UMODL1: variants seen among roughly 807,000 people sequenced by gnomAD.
UMODL1 encodes uromodulin-like 1.
UMODL1 carries 128 observed loss-of-function variants against 136.3 expected under a neutral mutation model. The ratio of observed to expected loss-of-function variants is 0.94; its 90% CI spans 0.81 to 1.09. The LOEUF (loss-of-function observed/expected upper bound fraction) is 1.09, where lower values mean the gene tolerates loss of function less well. Among genes scored for constraint, UMODL1 ranks in the 50% least tolerant of loss-of-function variants. UMODL1 has a pLI of 0.00. For synonymous variants in UMODL1, 721 were observed against 720.0 expected, an observed-to-expected ratio of 1.00 and a Z score of -0.02; for missense variants, 1,766 against 1,725.6, an observed-to-expected ratio of 1.02 and a Z score of -0.41.
At chr21:42,111,357 G>A (rs1187607824) in intron 11 of UMODL1, 149 bp from the exon 12 acceptor site, 3 of 1,609,138 alleles carry the variant, frequency 1.9e-6, no homozygotes, top group African/African-American at 1.3e-5. Flanking sequence ...AGCCAGGAGA[G>A]CCCCAGCCAG....
intron 16 of UMODL1, 71 bp downstream of exon 16, chr21:42,121,295 C>T: frequency 1.3e-6 from 2 of 1,534,604 alleles, no homozygotes; most frequent in Non-Finnish European, 1.8e-6. Flanking sequence ...CATTCACGTG[C>T]AAAGGGCTTC....
chr21:42,067,208 G>A (rs1014457626), upstream of UMODL1, among the ~76,000 whole-genome samples: 1 of 151,944 alleles, frequency 6.6e-6, no homozygotes, highest in Non-Finnish European at 1.5e-5. Context: ...TCCTGACTTC[G>A]TGATCCACCC....
At chr21:42,065,177 T>C (rs1264008584) in intron 1 of UMODL1, among the ~76,000 whole-genome samples, 1 of 152,224 alleles carries the variant, frequency 6.6e-6, no homozygotes, top group African/African-American at 2.4e-5. Context: ...CTGGGGCAGC[T>C]GCCTGTTGCG....
At chr21:42,130,614 T>TGTGA (rs10671342) in intron 21 of UMODL1, among the ~76,000 whole-genome samples, 128,533 of 151,682 alleles carry the variant, frequency 0.85, 54,943 homozygotes, top group Middle Eastern at 0.97. Context: ...AGTGTGGCCA[T>TGTGA]GTAAGTTCTG....
At chr21:42,076,863 C>T (rs1426108412) in intron 2 of UMODL1, among the ~76,000 whole-genome samples, 1 of 152,192 alleles carries the variant, frequency 6.6e-6, no homozygotes, top group East Asian at 1.9e-4. Flanking sequence ...AGTTTGGAAG[C>T]TGCTTTCCTG....
rs117482469 is a variant in UMODL1 at position 42,115,114 on chromosome 21, G to A, written c.2363-759G>A. ...TGGGGAGATGGACTCTAAGCCCCCT[G>A]AGGGGAGAGCTGTGTCTTTCTCCTT... is the stretch of plus-strand genomic sequence containing the variant. On this transcript the variant is annotated intron_variant, in intron 13 of 22. Coordinates refer to ENST00000408910, the MANE Select transcript of UMODL1 (RefSeq NM_001004416.3). 4.3e-4 allele frequency among the ~76,000 whole-genome samples: 66 copies of A among 152,360 alleles called. No individual in the cohort carries two copies. The East Asian group carries it at 0.012, about 28-fold the overall frequency.
chr21:42,110,484 C>T (rs1306390955), intron 10 of UMODL1, among the ~76,000 whole-genome samples: 2 of 152,190 alleles, frequency 1.3e-5, no homozygotes, highest in Non-Finnish European at 2.9e-5. Context: ...TCCTGCAAGT[C>T]GATGACAGCA....
intron 7 of UMODL1, chr21:42,101,856 A>C (rs1434008842): frequency 5.0e-6 from 2 of 401,302 alleles, no homozygotes; most frequent in Non-Finnish European, 9.8e-6. Flanking sequence ...GAATAGGGCA[A>C]AGGAAGGCAG....
In UMODL1 at chr21:42,122,932, C is replaced by A; in HGVS notation, c.2929C>A (p.Gln977Lys). 1.2e-6 allele frequency: 2 copies of A among 1,613,974 alleles called. No homozygotes were observed. Among genetic ancestry groups the A allele is most frequent in the Non-Finnish European group, 1.7e-6 (2 of 1,180,046 alleles). The change falls in exon 17 of 23, where the codon CAA becomes AAA. Residue 977 changes from glutamine to lysine, a missense_variant. By Grantham distance (53) the Gln-to-Lys change is moderately conservative. Coordinates refer to ENST00000408910, the MANE Select transcript of UMODL1 (RefSeq NM_001004416.3). The surrounding 1 kb of genome is among the most constrained non-coding windows in gnomAD (Gnocchi z 4.3). ...AFVQGTSPTP[Q>K]GLPQRLNLTG... ...TGTGCAAGGCACCAGCCCCACCCCC[C>A]AAGGCCTGCCCCAGCGGCTGAACCT...
chr21:42,133,889 T>TTTTGTTTTGC (rs1569180193), intron 21 of UMODL1, among the ~76,000 whole-genome samples: 1 of 43,514 alleles, frequency 2.3e-5, no homozygotes, highest in Non-Finnish European at 8.8e-5. Flanking sequence ...TATATCTGTT[T>TTTTGTTTTGC]TTTGTTTTGT....
At chr21:42,087,042 T>A (rs1040970879) in intron 4 of UMODL1, among the ~76,000 whole-genome samples, 1 of 152,170 alleles carries the variant, frequency 6.6e-6, no homozygotes, top group Non-Finnish European at 1.5e-5. Context: ...AAATCATACA[T>A]GTAAAGAGCT....
At chr21:42,077,688 T>G (rs2066311824) in intron 2 of UMODL1, among the ~76,000 whole-genome samples, 1 of 152,144 alleles carries the variant, frequency 6.6e-6, no homozygotes, top group African/African-American at 2.4e-5. Context: ...CTTGCACAAG[T>G]TAAGTCCTTG....
At chr21:42,083,433 G>T (rs1320111800) in intron 2 of UMODL1, among the ~76,000 whole-genome samples, 2 of 152,170 alleles carry the variant, frequency 1.3e-5, no homozygotes, top group Non-Finnish European at 2.9e-5. Context: ...CACCTGCACT[G>T]TCACCTAGGT....
Position 42,098,803 on chromosome 21 carries a change from A to G in UMODL1, c.932-123A>G, listed in dbSNP as rs972980462. 6 of 1,441,752 alleles carry G rather than the reference A, an allele frequency of 4.2e-6. No individual in the cohort carries two copies. The African/African-American group carries it at 8.5e-5, about 20-fold the overall frequency. The allele number at this position is 1,441,752 out of a possible 1,614,324, so 89.3% of individuals were successfully genotyped here. A position where few individuals can be genotyped will look rare whatever the true frequency, so the allele number is the denominator to read the frequency against. On this transcript the variant is annotated intron_variant, in intron 6 of 22. Transcript: ENST00000408910. Reference sequence around the variant, plus strand: ...CAAAAAATAGCCAGTGCTGTTCTGGATGGGTCAACTTGATCAATAAATCAG... The same window carrying G: ...CAAAAAATAGCCAGTGCTGTTCTGGGTGGGTCAACTTGATCAATAAATCAG...
At chr21:42,081,274 G>C (rs1222580994) in intron 2 of UMODL1, among the ~76,000 whole-genome samples, 1 of 152,214 alleles carries the variant, frequency 6.6e-6, no homozygotes, top group Non-Finnish European at 1.5e-5. Flanking sequence ...AGGGAGACAG[G>C]AGCGACTCCT....
chr21:42,065,207 G>T (rs979191794), intron 1 of UMODL1, among the ~76,000 whole-genome samples: 1 of 152,214 alleles, frequency 6.6e-6, no homozygotes, highest in South Asian at 2.1e-4. Context: ...GGCGGGGAAC[G>T]ATCCCCTCTG....
intron 22 of UMODL1, among the ~76,000 whole-genome samples, chr21:42,141,321 T>A (rs1569184732): frequency 1.3e-5 from 2 of 152,214 alleles, no homozygotes; most frequent in Admixed American, 6.5e-5. Flanking sequence ...GCTTTGTCTT[T>A]CCCGTCTCTC....
At position 42,109,713 on chromosome 21, in the gene UMODL1, C is replaced by T; in HGVS notation, c.1657+14C>T. On this transcript the variant is annotated intron_variant, in intron 10 of 22. Coordinates refer to ENST00000408910, the MANE Select transcript of UMODL1 (RefSeq NM_001004416.3). ...GGGCCTGTGAGGGTACGTGTCGACC[C>T]CCCTGCCGACTCTGGGAAGACCCCC... is the stretch of plus-strand genomic sequence containing the variant. 3 of 1,598,456 alleles carry T rather than the reference C, an allele frequency of 1.9e-6. No individual in the cohort carries two copies. The highest frequency in any genetic ancestry group is 2.2e-5 in the South Asian group (2 of 90,986).
rs1377247204 is a variant in UMODL1 at position 42,127,689 on chromosome 21, C to T, written c.3548C>T (p.Thr1183Ile). ...CTTCTCAGCTGCCCTGTGCCCAACA[C>T]ATACACCAACGTGATTGAGAACGGC... is the stretch of plus-strand genomic sequence containing the variant. ...FINNSCPVPN[T>I]YTNVIENGNS... Residue 1183 changes from threonine (T) to isoleucine (I), a missense_variant, in exon 20 of 23, where the codon ACA becomes ATA. Physicochemically the swap from Thr to Ile is moderately conservative, Grantham distance 89 (BLOSUM62 -1). Coordinates refer to ENST00000408910, the MANE Select transcript of UMODL1 (RefSeq NM_001004416.3). 2 of 1,613,904 alleles carry T rather than the reference C, an allele frequency of 1.2e-6. No homozygotes were observed. Among genetic ancestry groups the T allele is most frequent in the Non-Finnish European group, 1.7e-6 (2 of 1,179,982 alleles).
Sources: gnomAD v4.1 joint callset for allele counts (sites outside exome capture counted in the v4.1 genomes callset) on GRCh38, gnomAD v4.1.1 for gene constraint, Gnocchi (gnomAD v3.1) non-coding constraint, MANE v1.5 for transcripts, NCBI Gene and HGNC (gene_info 2026-07-23, HGNC 2026-07-21) for gene names.